HELZ: variants seen among roughly 807,000 people sequenced by gnomAD.
HELZ encodes the protein helicase with zinc finger.
HELZ carries 23 observed loss-of-function variants against 218.2 expected under a neutral mutation model. The ratio of observed to expected loss-of-function variants is 0.11; its 90% CI spans 0.08 to 0.15. The LOEUF is 0.15. Ranked by LOEUF, HELZ falls within the 10% of genes least tolerant of loss-of-function variation. The pLI is 1.00. For missense variants in HELZ, 1,813 were observed against 2,353.7 expected, an observed-to-expected ratio of 0.77 and a Z score of 4.75; for synonymous variants, 814 against 829.4, an observed-to-expected ratio of 0.98 and a Z score of 0.32.
intron 31 of HELZ, among the ~76,000 whole-genome samples, chr17:67,104,526 C>A (rs1457952153): frequency 6.6e-6 from 1 of 150,430 alleles, no homozygotes; most frequent in Non-Finnish European, 1.5e-5. Flanking sequence ...GGATATGACA[C>A]CAAAAGCATA....
At chr17:67,237,211 G>A (rs1054302589) in intron 3 of HELZ, among the ~76,000 whole-genome samples, 1 of 151,628 alleles carries the variant, frequency 6.6e-6, no homozygotes, top group Admixed American at 6.6e-5. Context: ...CTTGAACCCA[G>A]GAGGCAGAGG....
chr17:67,167,760 G>A lies in HELZ; in HGVS notation c.1467C>T (p.Ser489=), dbSNP rs939117495. The A allele has an allele frequency of 3.7e-6, 6 of 1,611,750 alleles. No individual in the cohort carries two copies. The highest frequency in any genetic ancestry group is 5.1e-6 in the Non-Finnish European group (6 of 1,178,380). ...NLKVQLQILA[S]FMLTGVSGGA... ...CTCCAGAAACACCAGTGAGCATGAAGCTTGCCAGAATCTGCAATTGCACTT... is the reference window on the plus strand; with the variant it reads ...CTCCAGAAACACCAGTGAGCATGAAACTTGCCAGAATCTGCAATTGCACTT... Residue 489 remains serine, a synonymous_variant, in exon 14 of 33, where the codon AGC becomes AGT. Coordinates refer to ENST00000358691, the MANE Select transcript of HELZ (RefSeq NM_014877.4).
Position 67,074,934 on chromosome 17 carries a change from T to C in HELZ, c.*3318A>G, listed in dbSNP as rs544525148. The C allele has an allele frequency of 7.9e-5, 12 of 152,222 alleles. 1 individual carries two copies. The highest frequency in any genetic ancestry group is 2.9e-4 in the African/African-American group (12 of 41,554). 9.4% of individuals were successfully genotyped at this position (152,222 alleles called of 1,614,324 possible). A position where few individuals can be genotyped will look rare whatever the true frequency, so the allele number is the denominator to read the frequency against. Reference sequence around the variant, plus strand: ...AAATGACCTGGATAGAAAGCACATCTGTGTGAGGAAAGGAAAATTAAGGTC... The same window carrying C: ...AAATGACCTGGATAGAAAGCACATCCGTGTGAGGAAAGGAAAATTAAGGTC... On this transcript the variant is annotated 3_prime_UTR_variant, in exon 33 of 33. Coordinates refer to ENST00000358691, the MANE Select transcript of HELZ (RefSeq NM_014877.4).
intron 4 of HELZ, among the ~76,000 whole-genome samples, chr17:67,218,357 T>C (rs2143299530): frequency 6.6e-6 from 1 of 152,344 alleles, no homozygotes; most frequent in East Asian, 1.9e-4. Flanking sequence ...CAGTGTCTAG[T>C]ACACAGTACA....
chr17:67,073,057 A>G lies in HELZ; in HGVS notation c.*5195T>C, dbSNP rs1384964782. On this transcript the variant is annotated 3_prime_UTR_variant, in exon 33 of 33. Transcript: ENST00000358691. The stretch of plus-strand genomic sequence containing the variant: ...AGAACCATTGCTCCATCCTGTTCAC[A>G]ATTCTCAAATCTTAAAACAGGACAG... 2 of 152,246 alleles carry G rather than the reference A, an allele frequency of 1.3e-5. No homozygotes were observed. 9.4% of individuals were successfully genotyped at this position (152,246 alleles called of 1,614,324 possible).
In HELZ at chr17:67,241,883, T is replaced by A. The variant is rs1390460391; in HGVS notation, c.-76+1901A>T. ...TGGCATTTCCCATTTTAGAATACTT[T>A]GTGTAACAAGTTGTTCAGTGGCCAA... On this transcript the variant is annotated intron_variant, in intron 2 of 32. Transcript: ENST00000358691. Among the ~76,000 whole-genome samples, 30 of 152,238 alleles carry A rather than the reference T, an allele frequency of 2.0e-4. 1 individual carries two copies. The highest frequency in any genetic ancestry group is 2.0e-3 in the Admixed American group (30 of 15,272).
intron 5 of HELZ, among the ~76,000 whole-genome samples, chr17:67,213,242 T>C (rs1242160551): frequency 6.6e-6 from 1 of 152,168 alleles, no homozygotes; most frequent in Non-Finnish European, 1.5e-5. Context: ...ATTTCAACAC[T>C]GACAGGTTTC....
At chr17:67,136,570 G>T (rs2038157886) in intron 22 of HELZ, among the ~76,000 whole-genome samples, 1 of 152,210 alleles carries the variant, frequency 6.6e-6, no homozygotes, top group Non-Finnish European at 1.5e-5. Context: ...CAGAGGAATG[G>T]ATCAACAGAA....
At chr17:67,177,398 G>A (rs1010514899) in intron 13 of HELZ, among the ~76,000 whole-genome samples, 1 of 151,928 alleles carries the variant, frequency 6.6e-6, no homozygotes, top group Non-Finnish European at 1.5e-5. Flanking sequence ...TAAAGTAATG[G>A]AATGATTTAT....
chr17:67,230,035 T>C (rs1274741812), intron 3 of HELZ, among the ~76,000 whole-genome samples: 2 of 152,230 alleles, frequency 1.3e-5, no homozygotes, highest in African/African-American at 4.8e-5. Flanking sequence ...ATAAAAGAAA[T>C]ATCCTGATGG....
At chr17:67,177,659 C>T (rs377692896) in intron 13 of HELZ, among the ~76,000 whole-genome samples, 1 of 149,278 alleles carries the variant, frequency 6.7e-6, no homozygotes, top group Non-Finnish European at 1.5e-5. Context: ...AAAAAAAAAG[C>T]CTTTTAAGAC....
At chr17:67,104,205 C>A (rs979993795) in intron 31 of HELZ, among the ~76,000 whole-genome samples, 2 of 151,738 alleles carry the variant, frequency 1.3e-5, no homozygotes, top group African/African-American at 4.8e-5. Flanking sequence ...GAGGCCGAGG[C>A]GAGCAGATCA....
chr17:67,169,720 C>T (rs1204164098), intron 13 of HELZ, among the ~76,000 whole-genome samples: 1 of 152,196 alleles, frequency 6.6e-6, no homozygotes, highest in Admixed American at 6.5e-5. Flanking sequence ...TTAACTCTTT[C>T]CAGGATCAAC....
At chr17:67,245,562 A>G (rs571438863), upstream of HELZ, 2,494 of 975,722 alleles carry the variant, frequency 2.6e-3, 6 homozygotes, top group Non-Finnish European at 2.9e-3. Context: ...CTGCTCGCGG[A>G]TTTATTTGTG....
At chr17:67,093,354 T>C (rs1598200193) in intron 31 of HELZ, among the ~76,000 whole-genome samples, 1 of 152,050 alleles carries the variant, frequency 6.6e-6, no homozygotes, top group African/African-American at 2.4e-5. Flanking sequence ...AAATAAAGAT[T>C]TGGAGAATCT....
chr17:67,178,538 C>T (rs2039520685), intron 13 of HELZ, 121 bp downstream of exon 13: 2 of 771,786 alleles, frequency 2.6e-6, no homozygotes, highest in Non-Finnish European at 4.2e-6. Flanking sequence ...AGATAGAATA[C>T]AGTTATTCAA....
Position 67,075,451 on chromosome 17 carries a change from A to G in HELZ, c.*2801T>C, listed in dbSNP as rs779131487. ...AATTTTATATACATATACTATACAT[A>G]TATATGCATATATAAGGGTTGAACC... On this transcript the variant is annotated 3_prime_UTR_variant, in exon 33 of 33. Coordinates refer to ENST00000358691, the MANE Select transcript of HELZ (RefSeq NM_014877.4). 6.6e-5 allele frequency: 10 copies of G among 152,124 alleles called. No homozygotes were observed. Among genetic ancestry groups the G allele is most frequent in the Non-Finnish European group, 1.2e-4 (8 of 68,016 alleles). The allele number at this position is 152,124 out of a possible 1,614,324, so 9.4% of individuals were successfully genotyped here.
chr17:67,243,992 GT>G, intron 1 of HELZ, 153 bp from the exon 2 acceptor site: 1 of 985,234 alleles, frequency 1.0e-6, no homozygotes, highest in Non-Finnish European at 1.2e-6. Flanking sequence ...AATGAGTCTG[GT>G]TTTTGACCTT....
At chr17:67,127,186 T>C (rs1007437356) in intron 24 of HELZ, among the ~76,000 whole-genome samples, 1 of 152,110 alleles carries the variant, frequency 6.6e-6, no homozygotes, top group African/African-American at 2.4e-5. Context: ...TGCCTTCAAT[T>C]TACTTCCTCT....
Sources: allele counts gnomAD v4.1 joint callset (sites outside exome capture counted in the v4.1 genomes callset), GRCh38; gene constraint gnomAD v4.1.1; transcripts MANE v1.5; gene names NCBI Gene and HGNC (gene_info 2026-07-23, HGNC 2026-07-21).